The following MBD2 variants were observed in gnomAD, a reference collection of about 807,000 sequenced individuals.
MBD2 encodes methyl-CpG-binding domain protein 2.
A neutral mutation model predicts 39.3 loss-of-function variants in MBD2; 9 were observed. The ratio of observed to expected loss-of-function variants is 0.23; its 90% CI spans 0.14 to 0.40. The LOEUF is 0.40. Among genes scored for constraint, MBD2 ranks in the 10% least tolerant of loss-of-function variants. The probability of loss-of-function intolerance (pLI) is 1.00; values close to 1 mark genes in which losing one functional copy is unlikely to be tolerated. For missense variants in MBD2, 458 were observed against 532.6 expected (o/e 0.86, Z 1.38); for synonymous variants, 233 against 211.1 (o/e 1.10, Z -0.90).
At chr18:54,214,201 GTTT>G (rs956827479) in intron 1 of MBD2, among the ~76,000 whole-genome samples, 4 of 137,964 alleles carry the variant, frequency 2.9e-5, no homozygotes, top group South Asian at 2.3e-4. Context: ...TCTTTGTTTT[GTTT>G]TTTTTTTTAG....
intron 2 of MBD2, among the ~76,000 whole-genome samples, chr18:54,200,194 C>T (rs576578620): frequency 2.0e-5 from 3 of 151,928 alleles, no homozygotes; most frequent in South Asian, 2.1e-4. Context: ...AGAAATGTGA[C>T]GAAAGAATTG....
chr18:54,159,702 C>A, intron 6 of MBD2, 63 bp downstream of exon 6: 10 of 1,562,838 alleles, frequency 6.4e-6, no homozygotes, highest in Non-Finnish European at 8.7e-6. Context: ...CAGGCAGAAG[C>A]ACTATGTCCG....
intron 1 of MBD2, among the ~76,000 whole-genome samples, chr18:54,214,905 A>C (rs2086544024): frequency 6.6e-6 from 1 of 152,024 alleles, no homozygotes; most frequent in African/African-American, 2.4e-5. Context: ...AGGCCCAGCT[A>C]ATTTTTTGTA....
At chr18:54,179,881 T>C (rs866597119) in intron 3 of MBD2, among the ~76,000 whole-genome samples, 185 of 138,912 alleles carry the variant, frequency 1.3e-3, no homozygotes, top group African/African-American at 4.6e-3. Context: ...TTCTAACTAA[T>C]AAAATAGAAA....
intron 3 of MBD2, among the ~76,000 whole-genome samples, chr18:54,173,927 T>C (rs1341527486): frequency 1.3e-5 from 2 of 152,214 alleles, no homozygotes; most frequent in Admixed American, 6.5e-5. Flanking sequence ...TCTAGTTTCA[T>C]GTTATGATGA....
intron 3 of MBD2, among the ~76,000 whole-genome samples, chr18:54,180,897 C>CTTTTTTTGTTTTTTTTTTTTTTTTTT (rs1211071727): frequency 9.5e-6 from 1 of 105,372 alleles, no homozygotes; most frequent in Non-Finnish European, 1.8e-5. Flanking sequence ...TTAATTTTTT[C>CTTTTTTTGTTTTTTTTTTTTTTTTTT]TTTTTCTTTT....
chr18:54,172,541 G>A (rs2086185557), intron 3 of MBD2, among the ~76,000 whole-genome samples: 1 of 152,056 alleles, frequency 6.6e-6, no homozygotes, highest in Non-Finnish European at 1.5e-5. Flanking sequence ...TACTTCTCAT[G>A]ACCACACTGA....
At chr18:54,216,286 C>A (rs672947) in intron 1 of MBD2, among the ~76,000 whole-genome samples, 5,779 of 152,162 alleles carry the variant, frequency 0.038, 347 homozygotes, top group African/African-American at 0.13. Flanking sequence ...TATTTGTATA[C>A]CTGATTTAGT....
intron 3 of MBD2, among the ~76,000 whole-genome samples, chr18:54,186,685 C>T (rs544893879): frequency 1.2e-3 from 186 of 152,258 alleles, no homozygotes; most frequent in African/African-American, 4.1e-3. Context: ...GGAAAGACAA[C>T]TAATATCTTA....
In MBD2 at chr18:54,224,295, C is replaced by A; in HGVS notation, c.265G>T (p.Gly89Cys). ...GGACGGCCGCGGCCCCGGCCCCGGC[C>A]CCGTCCCCGTCCCCGGCCACGGCCC... is the stretch of plus-strand genomic sequence containing the variant. ...GRGRGRGRGRGRGRGRGRPPS... is the reference protein window; with the variant it reads ...GRGRGRGRGRCRGRGRGRPPS... Residue 89 changes from glycine to cysteine, a missense_variant, in exon 1 of 7, where the codon GGC (glycine) becomes TGC (cysteine). Transcript: ENST00000256429. The A allele has an allele frequency of 1.1e-6, 1 of 946,736 alleles. No individual in the cohort carries two copies. Among genetic ancestry groups the A allele is most frequent in the South Asian group, 4.7e-5 (1 of 21,366 alleles). The allele number at this position is 946,736 out of a possible 1,614,324, so 58.6% of individuals were successfully genotyped here.
intron 1 of MBD2, among the ~76,000 whole-genome samples, chr18:54,212,228 ACCC>A (rs2086514066): frequency 6.6e-6 from 1 of 152,056 alleles, no homozygotes; most frequent in South Asian, 2.1e-4. Flanking sequence ...GCATGATGCT[ACCC>A]CTAGTCTCCA....
intron 1 of MBD2, among the ~76,000 whole-genome samples, chr18:54,223,018 T>C (rs1419031737): frequency 6.6e-6 from 1 of 152,236 alleles, no homozygotes; most frequent in Admixed American, 6.5e-5. Flanking sequence ...CCATATACAT[T>C]CCCTGAAAAA....
rs370699102 is a variant in MBD2, at chr18:54,189,473, C to T, written c.703-462G>A. On this transcript the variant is annotated intron_variant, in intron 2 of 6. Transcript: ENST00000256429. Reference sequence around the variant, plus strand: ...TCCTGACCTCATGATCCACCCGCCTCGGCCTCCCAAAGTGCTGGGATTACA... The same window carrying T: ...TCCTGACCTCATGATCCACCCGCCTTGGCCTCCCAAAGTGCTGGGATTACA... 2.6e-4 allele frequency among the ~76,000 whole-genome samples: 40 copies of T among 152,240 alleles called. No individual in the cohort carries two copies. In the South Asian group the frequency reaches 4.3e-3, roughly 17 times the overall value.
chr18:54,217,025 G>C (rs2086567000), intron 1 of MBD2, among the ~76,000 whole-genome samples: 1 of 152,068 alleles, frequency 6.6e-6, no homozygotes. Context: ...GGAGGCAGAG[G>C]GTGCAGTGAG....
At chr18:54,168,756 G>C (rs980466910) in intron 3 of MBD2, among the ~76,000 whole-genome samples, 2 of 150,856 alleles carry the variant, frequency 1.3e-5, no homozygotes, top group East Asian at 3.9e-4. Flanking sequence ...ACACTTAACT[G>C]GTCAAGGTCA....
intron 3 of MBD2, among the ~76,000 whole-genome samples, chr18:54,176,922 G>T (rs2086215992): frequency 6.6e-6 from 1 of 152,088 alleles, no homozygotes; most frequent in South Asian, 2.1e-4. Flanking sequence ...TAAACCAAAG[G>T]GCAAATTTTA....
intron 6 of MBD2, 118 bp downstream of exon 6, chr18:54,159,647 G>T: frequency 1.9e-6 from 2 of 1,072,508 alleles, no homozygotes; most frequent in Non-Finnish European, 2.7e-6. Context: ...TCGAACTACT[G>T]AGCTCAACTG....
At chr18:54,169,359 C>A (rs992115658) in intron 3 of MBD2, among the ~76,000 whole-genome samples, 2 of 151,058 alleles carry the variant, frequency 1.3e-5, no homozygotes, top group Non-Finnish European at 2.9e-5. Context: ...GCTCCTCTCA[C>A]CAAATTCCAT....
chr18:54,159,415 G>A (rs977098398), intron 6 of MBD2, among the ~76,000 whole-genome samples: 11 of 151,208 alleles, frequency 7.3e-5, no homozygotes, highest in African/African-American at 2.4e-5. Context: ...AAAATACAGC[G>A]ACACCTTTTT....
Sources: allele counts gnomAD v4.1 joint callset (sites outside exome capture counted in the v4.1 genomes callset), GRCh38; gene constraint gnomAD v4.1.1; transcripts MANE v1.5; gene names NCBI Gene and HGNC (gene_info 2026-07-23, HGNC 2026-07-21).